Variants in VPS41 observed in about 807,000 individuals in gnomAD.
VPS41 encodes VPS41 subunit of HOPS complex.
In VPS41, 85 loss-of-function variants were observed where a neutral mutation model predicts 130.9. The ratio of observed to expected loss-of-function variants is 0.65; its 90% confidence interval spans 0.55 to 0.78. VPS41 has a LOEUF of 0.78. Among genes scored for constraint, VPS41 ranks in the 30% least tolerant of loss-of-function variants. VPS41 has a pLI of 0.00. For synonymous variants in VPS41, 335 were observed against 332.9 expected, an observed-to-expected ratio of 1.01 and a Z score of -0.07; for missense variants, 874 against 1,018.7, an observed-to-expected ratio of 0.86 and a Z score of 1.93.
intron 9 of VPS41, among the ~76,000 whole-genome samples, chr7:38,794,358 A>T (rs1784583388): frequency 6.6e-6 from 1 of 152,196 alleles, no homozygotes; most frequent in African/African-American, 2.4e-5. Flanking sequence ...TGATAACAAC[A>T]TGAGGGCTGG....
chr7:38,896,500 G>A (rs967341044), intron 2 of VPS41, among the ~76,000 whole-genome samples: 6 of 152,330 alleles, frequency 3.9e-5, no homozygotes, highest in African/African-American at 1.4e-4. Flanking sequence ...TTTGAATGCA[G>A]CTCAACACAA....
At chr7:38,891,035 G>GT (rs1226137654) in intron 2 of VPS41, among the ~76,000 whole-genome samples, 2 of 151,890 alleles carry the variant, frequency 1.3e-5, no homozygotes, top group Non-Finnish European at 2.9e-5. Flanking sequence ...AAAAAAAAGT[G>GT]TAGTAGAATA....
At chr7:38,874,131 G>A (rs1786435020) in intron 2 of VPS41, among the ~76,000 whole-genome samples, 1 of 151,996 alleles carries the variant, frequency 6.6e-6, no homozygotes, top group South Asian at 2.1e-4. Context: ...TTTTCATCTT[G>A]TTTAAACATA....
chr7:38,781,182 C>T (rs982724100), intron 10 of VPS41, among the ~76,000 whole-genome samples: 16 of 152,162 alleles, frequency 1.1e-4, no homozygotes. Context: ...TTTAATAATA[C>T]ATAACATACC....
intron 2 of VPS41, among the ~76,000 whole-genome samples, chr7:38,883,100 A>G (rs11983387): frequency 0.93 from 141,899 of 152,220 alleles, 66,294 homozygotes; most frequent in East Asian, 1. Flanking sequence ...AAAATTAGCT[A>G]GGCATGGTGG....
intron 23 of VPS41, among the ~76,000 whole-genome samples, chr7:38,743,789 C>A (rs1285649807): frequency 1.3e-5 from 2 of 152,108 alleles, no homozygotes; most frequent in African/African-American, 2.4e-5. Context: ...ACCATCACTA[C>A]AACCCTATGA....
At chr7:38,738,619 C>G (rs1329566968) in intron 25 of VPS41, among the ~76,000 whole-genome samples, 1 of 152,064 alleles carries the variant, frequency 6.6e-6, no homozygotes, top group Non-Finnish European at 1.5e-5. Context: ...AAACTGGAAA[C>G]TGGTCAGTTT....
At chr7:38,865,053 A>T (rs181215467) in intron 3 of VPS41, among the ~76,000 whole-genome samples, 2 of 152,300 alleles carry the variant, frequency 1.3e-5, no homozygotes, top group Admixed American at 1.3e-4. Context: ...TCCATTTTAA[A>T]TCTGGTCAAC....
chr7:38,761,111 A>C (rs1416207310), intron 17 of VPS41, among the ~76,000 whole-genome samples: 1 of 151,960 alleles, frequency 6.6e-6, no homozygotes, highest in Non-Finnish European at 1.5e-5. Flanking sequence ...TAGAACCAAA[A>C]TAATATTTCA....
intron 9 of VPS41, among the ~76,000 whole-genome samples, chr7:38,793,370 T>C (rs1490139676): frequency 6.6e-6 from 1 of 152,176 alleles, no homozygotes; most frequent in Non-Finnish European, 1.5e-5. Flanking sequence ...AAGATTGCTG[T>C]CCCTCTGAAG....
At chr7:38,751,008 A>C (rs1283866668) in intron 22 of VPS41, among the ~76,000 whole-genome samples, 1 of 152,230 alleles carries the variant, frequency 6.6e-6, no homozygotes, top group Non-Finnish European at 1.5e-5. Flanking sequence ...ATCTGTTTTT[A>C]CTTTTAGAGT....
chr7:38,796,190 A>C (rs1784614985), intron 8 of VPS41, among the ~76,000 whole-genome samples: 1 of 152,230 alleles, frequency 6.6e-6, no homozygotes, highest in African/African-American at 2.4e-5. Flanking sequence ...GATTTACTAA[A>C]TTATACCTTG....
chr7:38,779,847 T>C (rs1784324266), intron 10 of VPS41, among the ~76,000 whole-genome samples: 1 of 152,176 alleles, frequency 6.6e-6, no homozygotes, highest in African/African-American at 2.4e-5. Flanking sequence ...ATATAAAAGC[T>C]TATGGACTGA....
chr7:38,774,085 C>A, intron 12 of VPS41, 30 bp downstream of exon 12: 1 of 1,549,708 alleles, frequency 6.5e-7, no homozygotes, highest in Non-Finnish European at 8.8e-7. Flanking sequence ...ATTAAAAAAG[C>A]ATATCAGCCA....
At chr7:38,826,492 A>G (rs973043592) in intron 5 of VPS41, among the ~76,000 whole-genome samples, 1 of 152,354 alleles carries the variant, frequency 6.6e-6, no homozygotes, top group Middle Eastern at 3.4e-3. Context: ...GACCTCTAAG[A>G]ACCTGGAGCA....
At chr7:38,801,501 A>G (rs1172075132) in intron 7 of VPS41, among the ~76,000 whole-genome samples, 2 of 152,260 alleles carry the variant, frequency 1.3e-5, no homozygotes, top group Non-Finnish European at 2.9e-5. Flanking sequence ...AAAGTAGGTC[A>G]TCATAAACAT....
intron 8 of VPS41, among the ~76,000 whole-genome samples, chr7:38,795,870 T>C (rs756339201): frequency 2.0e-5 from 3 of 152,170 alleles, no homozygotes; most frequent in Non-Finnish European, 2.9e-5. Context: ...AAACATGAAA[T>C]GTACAAACAT....
At chr7:38,756,379 G>C (rs1242669818) in intron 19 of VPS41, among the ~76,000 whole-genome samples, 1 of 152,108 alleles carries the variant, frequency 6.6e-6, no homozygotes, top group African/African-American at 2.4e-5. Context: ...CTGGACATGA[G>C]CATCACCTCA....
rs765254505 is a variant in VPS41, at chr7:38,741,907, A to G, written c.2259+78T>C. ...AATCGAAAGTTTTTAACTGATACCTAACATAAACCCTAGAAATATTTATCC... is the reference window on the plus strand; with the variant it reads ...AATCGAAAGTTTTTAACTGATACCTGACATAAACCCTAGAAATATTTATCC... On this transcript the variant is annotated intron_variant, in intron 25 of 28. Coordinates refer to ENST00000310301, the MANE Select transcript of VPS41 (RefSeq NM_014396.4). The G allele has an allele frequency of 1.8e-5, 28 of 1,536,746 alleles. No homozygotes were observed. In the Admixed American group the frequency reaches 2.3e-4, roughly 12 times the overall value.
Sources: allele counts gnomAD v4.1 joint callset (sites outside exome capture counted in the v4.1 genomes callset), GRCh38; gene constraint gnomAD v4.1.1; transcripts MANE v1.5; gene names NCBI Gene and HGNC (gene_info 2026-07-23, HGNC 2026-07-21).